Variants in FGF12 observed in about 807,000 individuals in gnomAD.
The protein encoded by FGF12 is fibroblast growth factor 12B.
FGF12 carries 14 observed loss-of-function variants against 23.6 expected under a neutral mutation model. That is an observed-to-expected ratio of 0.59 (90% CI 0.39 to 0.93). FGF12 has a LOEUF of 0.93. FGF12 is among the 40% of genes least tolerant of loss of function. The pLI is 0.00. For missense variants in FGF12, 175 were observed against 217.8 expected (o/e 0.80, Z 1.24); for synonymous variants, 62 against 77.3 (o/e 0.80, Z 1.04).
intron 2 of FGF12, among the ~76,000 whole-genome samples, chr3:192,710,878 CCAGGTCTTT>C (rs1718643263): frequency 2.6e-5 from 4 of 152,314 alleles, no homozygotes; most frequent in African/African-American, 9.6e-5. Context: ...ACCCTCACAG[CCAGGTCTTT>C]CCCATTCAGG....
At chr3:192,499,382 A>G (rs772740703) in intron 2 of FGF12, among the ~76,000 whole-genome samples, 3 of 150,710 alleles carry the variant, frequency 2.0e-5, no homozygotes, top group Non-Finnish European at 4.4e-5. Context: ...AGATCCAGCC[A>G]CTTTATACAG....
chr3:192,374,214 G>A (rs1234097486), intron 2 of FGF12, among the ~76,000 whole-genome samples: 2 of 152,210 alleles, frequency 1.3e-5, no homozygotes, highest in Non-Finnish European at 2.9e-5. Flanking sequence ...TATAAAAACT[G>A]GTTTAATTTT....
chr3:192,574,365 T>C (rs1227939458), intron 2 of FGF12, among the ~76,000 whole-genome samples: 1 of 152,232 alleles, frequency 6.6e-6, no homozygotes, highest in East Asian at 1.9e-4. Flanking sequence ...TTTTAAAAAG[T>C]GTAGTTGGAG....
intron 4 of FGF12, among the ~76,000 whole-genome samples, chr3:192,310,501 C>A (rs1234493584): frequency 1.3e-5 from 2 of 152,096 alleles, no homozygotes; most frequent in Non-Finnish European, 2.9e-5. Context: ...AAGTAATATT[C>A]TCTCTGATGC....
intron 2 of FGF12, among the ~76,000 whole-genome samples, chr3:192,489,682 T>C (rs1421809400): frequency 1.3e-5 from 2 of 152,064 alleles, no homozygotes; most frequent in Admixed American, 1.3e-4. Flanking sequence ...CTTTTGCTGC[T>C]TTGAATTTAG....
At chr3:192,534,539 G>A (rs59263954) in intron 2 of FGF12, among the ~76,000 whole-genome samples, 1 of 151,870 alleles carries the variant, frequency 6.6e-6, no homozygotes, top group African/African-American at 2.4e-5. Context: ...GGGACTATAG[G>A]TGCATGCCAC....
At chr3:192,150,000 T>C (rs1442604860) in intron 5 of FGF12, among the ~76,000 whole-genome samples, 1 of 116,818 alleles carries the variant, frequency 8.6e-6, no homozygotes, top group African/African-American at 3.2e-5. Context: ...TTTTAATGAT[T>C]GCCATTCTAA....
chr3:192,265,971 C>T (rs79727369), intron 4 of FGF12, among the ~76,000 whole-genome samples: 4,180 of 152,222 alleles, frequency 0.027, 139 homozygotes, highest in African/African-American at 0.084. Flanking sequence ...GGATAAAGAA[C>T]TGGCTCATAG....
chr3:192,222,431 G>T (rs918754290), intron 4 of FGF12, among the ~76,000 whole-genome samples: 2 of 151,968 alleles, frequency 1.3e-5, no homozygotes, highest in Non-Finnish European at 2.9e-5. Flanking sequence ...CATGATTATT[G>T]GATTCCAGAT....
intron 4 of FGF12, among the ~76,000 whole-genome samples, chr3:192,200,319 A>G (rs1717300062): frequency 1.3e-5 from 2 of 152,116 alleles, no homozygotes; most frequent in Non-Finnish European, 1.5e-5. Context: ...ACAGAGCAAG[A>G]GTCCATCTTA....
chr3:192,177,541 C>A (rs1560180094), intron 4 of FGF12, among the ~76,000 whole-genome samples: 1 of 152,166 alleles, frequency 6.6e-6, no homozygotes, highest in African/African-American at 2.4e-5. Flanking sequence ...AATATAATTA[C>A]ACGATACCAT....
In FGF12 at chr3:192,512,859, T is replaced by TAA. The variant is rs56138927; in HGVS notation, c.14-152323_14-152322dup. Reference sequence around the variant, plus strand: ...AAATATATATATATATATATATATATAACAGGCTATGTCTATCATTTCCAC... The same window carrying TAA: ...AAATATATATATATATATATATATATAAAACAGGCTATGTCTATCATTTCCAC... On this transcript the variant is annotated intron_variant, in intron 2 of 5. Coordinates refer to ENST00000445105, the MANE Select transcript of FGF12 (RefSeq NM_004113.6). 8.3e-3 allele frequency among the ~76,000 whole-genome samples: 473 copies of TAA among 56,792 alleles called. 16 individuals carry two copies. Among genetic ancestry groups the TAA allele is most frequent in the South Asian group, 0.018 (27 of 1,512 alleles). 37.3% of individuals were successfully genotyped at this position (56,792 alleles called of 152,430 possible).
chr3:192,340,697 G>A (rs560629085), intron 3 of FGF12, among the ~76,000 whole-genome samples: 1 of 152,010 alleles, frequency 6.6e-6, no homozygotes, highest in East Asian at 1.9e-4. Flanking sequence ...TAATGGAAAA[G>A]GTAATGAAGA....
chr3:192,154,126 T>G lies in FGF12; in HGVS notation c.428-9999A>C, dbSNP rs1382538023. Among the ~76,000 whole-genome samples the G allele has an allele frequency of 7.6e-5, 9 of 117,786 alleles. 3 individuals carry two copies. Among genetic ancestry groups the G allele is most frequent in the African/African-American group, 2.9e-4 (9 of 31,282 alleles). 77.3% of individuals were successfully genotyped at this position (117,786 alleles called of 152,430 possible). On this transcript the variant is annotated intron_variant, in intron 5 of 5. Coordinates refer to ENST00000445105, the MANE Select transcript of FGF12 (RefSeq NM_004113.6). ...CGCATCGGCTCCTGAGGCTTCTGCA[T>G]TCTTCATGTAGTTCTCGAGCCTTGG...
chr3:192,588,496 T>TA (rs1282761469), intron 2 of FGF12, among the ~76,000 whole-genome samples: 3 of 151,618 alleles, frequency 2.0e-5, no homozygotes, highest in Non-Finnish European at 4.4e-5. Context: ...AGCATCTGGA[T>TA]AAAAAAATTA....
chr3:192,342,046 T>C (rs4687325), intron 3 of FGF12, among the ~76,000 whole-genome samples: 34,118 of 152,106 alleles, frequency 0.22, 4,063 homozygotes, highest in Admixed American at 0.29. Context: ...TTGTGGTCTC[T>C]AGTGAAAAGA....
At chr3:192,586,297 G>A (rs1713371627) in intron 2 of FGF12, among the ~76,000 whole-genome samples, 1 of 152,166 alleles carries the variant, frequency 6.6e-6, no homozygotes, top group Admixed American at 6.5e-5. Flanking sequence ...CTGCTCATGA[G>A]CTTATGAAGG....
chr3:192,459,747 C>G (rs1722797233), intron 2 of FGF12, among the ~76,000 whole-genome samples: 2 of 152,146 alleles, frequency 1.3e-5, no homozygotes, highest in Non-Finnish European at 2.9e-5. Flanking sequence ...TTTAATCTGA[C>G]TGGTTAAAAT....
intron 2 of FGF12, among the ~76,000 whole-genome samples, chr3:192,711,520 G>A (rs1718680140): frequency 6.6e-6 from 1 of 152,148 alleles, no homozygotes; most frequent in African/African-American, 2.4e-5. Context: ...GGAAATGTGG[G>A]GAAAAGATAG....
Sources: gnomAD v4.1 joint callset for allele counts (sites outside exome capture counted in the v4.1 genomes callset) on GRCh38, gnomAD v4.1.1 for gene constraint, MANE v1.5 for transcripts, NCBI Gene and HGNC (gene_info 2026-07-23, HGNC 2026-07-21) for gene names.